The following DNM3 variants were observed in gnomAD, a reference collection of about 807,000 sequenced individuals.
The protein encoded by DNM3 is dynamin-3.
Under a neutral mutation model 101.6 loss-of-function variants are expected in DNM3, and 47 were observed. The observed-to-expected ratio is 0.46, with a 90% CI of 0.37 to 0.59. The LOEUF (loss-of-function observed/expected upper bound fraction) is 0.59, where lower values mean the gene tolerates loss of function less well. Among genes scored for constraint, DNM3 ranks in the 20% least tolerant of loss-of-function variants. DNM3 has a pLI of 0.00. For synonymous variants in DNM3, 385 were observed against 387.9 expected (o/e 0.99, Z 0.09); for missense variants, 849 against 1,085.7 (o/e 0.78, Z 3.06).
At chr1:172,192,929 C>G (rs1231676261) in intron 14 of DNM3, among the ~76,000 whole-genome samples, 1 of 151,182 alleles carries the variant, frequency 6.6e-6, no homozygotes, top group Non-Finnish European at 1.5e-5. Flanking sequence ...ATTTCTAGTT[C>G]TAGATCCCTG....
At chr1:171,844,290 C>T (rs961636897) in intron 1 of DNM3, among the ~76,000 whole-genome samples, 8 of 152,154 alleles carry the variant, frequency 5.3e-5, no homozygotes, top group Admixed American at 1.3e-4. Context: ...TGCAACTTTC[C>T]TCTTTTACAC....
chr1:172,147,343 C>G (rs1572720134), intron 14 of DNM3, among the ~76,000 whole-genome samples: 2 of 152,246 alleles, frequency 1.3e-5, no homozygotes, highest in Non-Finnish European at 2.9e-5. Context: ...AAAGTTATCA[C>G]TTGAATACCC....
rs76968244 is a variant in DNM3, at chr1:172,073,443, G to A, written c.1422+4538G>A. On this transcript the variant is annotated intron_variant, in intron 11 of 20. Transcript: ENST00000627582. The stretch of plus-strand genomic sequence containing the variant: ...TATTTTATAGAATACATAATTTTAC[G>A]TATACATAATTTTATACATATACAT... Among the ~76,000 whole-genome samples the A allele has an allele frequency of 8.4e-3, 1,272 of 151,866 alleles. 13 individuals carry two copies. Among genetic ancestry groups the A allele is most frequent in the African/African-American group, 0.028 (1,151 of 41,394 alleles).
chr1:172,156,085 G>A (rs1206185665), intron 14 of DNM3, among the ~76,000 whole-genome samples: 2 of 152,062 alleles, frequency 1.3e-5, no homozygotes, highest in Admixed American at 6.6e-5. Flanking sequence ...GATGTTGGAG[G>A]ACTATATGGA....
intron 14 of DNM3, among the ~76,000 whole-genome samples, chr1:172,181,800 A>G (rs908288562): frequency 2.8e-5 from 4 of 143,038 alleles, no homozygotes; most frequent in Admixed American, 7.1e-5. Context: ...GTCTGAAGAC[A>G]GGGTTTTTTT....
At chr1:172,233,289 G>T (rs1004476775) in intron 14 of DNM3, among the ~76,000 whole-genome samples, 6 of 152,176 alleles carry the variant, frequency 3.9e-5, no homozygotes, top group African/African-American at 1.4e-4. Flanking sequence ...AGAAAATCTA[G>T]AAGAAATGGA....
intron 4 of DNM3, among the ~76,000 whole-genome samples, chr1:172,010,785 T>C (rs1239245566): frequency 1.3e-5 from 2 of 151,324 alleles, no homozygotes; most frequent in Non-Finnish European, 3.0e-5. Flanking sequence ...TATTTTTTCT[T>C]TTCATTCCTT....
chr1:172,417,424 G>A (rs964899641), downstream of DNM3, among the ~76,000 whole-genome samples: 2 of 152,206 alleles, frequency 1.3e-5, no homozygotes, highest in Non-Finnish European at 2.9e-5. Flanking sequence ...AAAGGCTGAT[G>A]TCAAATGAAG....
intron 14 of DNM3, among the ~76,000 whole-genome samples, chr1:172,193,796 C>G (rs2059834655): frequency 6.6e-6 from 1 of 152,040 alleles, no homozygotes; most frequent in South Asian, 2.1e-4. Context: ...TTTTGTTAAT[C>G]TTTTCAAAAA....
chr1:172,119,951 A>G (rs1204081042), intron 13 of DNM3, among the ~76,000 whole-genome samples: 2 of 152,206 alleles, frequency 1.3e-5, no homozygotes, highest in Non-Finnish European at 2.9e-5. Context: ...GTTCATTTCT[A>G]AAACTTTGGT....
intron 17 of DNM3, among the ~76,000 whole-genome samples, chr1:172,368,417 C>A (rs750457942): frequency 4.6e-5 from 7 of 151,802 alleles, no homozygotes; most frequent in Non-Finnish European, 1.0e-4. Context: ...TAAAAAATTT[C>A]TTGAAACAAA....
intron 13 of DNM3, among the ~76,000 whole-genome samples, chr1:172,096,915 G>C (rs1483440053): frequency 1.3e-5 from 2 of 152,160 alleles, no homozygotes; most frequent in East Asian, 1.9e-4. Flanking sequence ...ATTCAGGTGA[G>C]AGAAACATTG....
chr1:172,318,433 GA>G (rs1406740260), intron 16 of DNM3, among the ~76,000 whole-genome samples: 11 of 152,204 alleles, frequency 7.2e-5, no homozygotes, highest in African/African-American at 2.7e-4. Context: ...ATTAGGAAAA[GA>G]GGAAGCCAAA....
intron 15 of DNM3, among the ~76,000 whole-genome samples, chr1:172,298,783 A>T (rs1261660216): frequency 1.3e-5 from 2 of 152,044 alleles, no homozygotes; most frequent in African/African-American, 4.8e-5. Context: ...GAAGGTAGAC[A>T]TTAATGAAAA....
intron 14 of DNM3, among the ~76,000 whole-genome samples, chr1:172,180,994 C>A (rs1048549731): frequency 1.3e-5 from 2 of 152,012 alleles, no homozygotes; most frequent in African/African-American, 4.8e-5. Flanking sequence ...AAGTACGGAG[C>A]ACTTACCAAG....
At chr1:172,295,464 G>A (rs151301021) in intron 15 of DNM3, among the ~76,000 whole-genome samples, 3 of 152,072 alleles carry the variant, frequency 2.0e-5, no homozygotes, top group African/African-American at 7.2e-5. Flanking sequence ...ATGTCATGAA[G>A]AAAGCAGCAG....
intron 4 of DNM3, among the ~76,000 whole-genome samples, chr1:171,993,453 G>A (rs1051816520): frequency 6.7e-6 from 1 of 148,572 alleles, no homozygotes; most frequent in African/African-American, 2.5e-5. Flanking sequence ...TCTCATTGAG[G>A]ATCCTTTGAA....
chr1:172,210,864 C>G (rs1053088589), intron 14 of DNM3, among the ~76,000 whole-genome samples: 1 of 151,906 alleles, frequency 6.6e-6, no homozygotes, highest in Non-Finnish European at 1.5e-5. Context: ...TCATTCCTAG[C>G]GATAGCAAAA....
intron 13 of DNM3, among the ~76,000 whole-genome samples, chr1:172,108,347 G>A (rs1159040097): frequency 6.6e-6 from 1 of 151,706 alleles, no homozygotes; most frequent in East Asian, 1.9e-4. Flanking sequence ...TAGCTTCTGT[G>A]GAACCATTTT....
Sources: allele counts gnomAD v4.1 joint callset (sites outside exome capture counted in the v4.1 genomes callset), GRCh38; gene constraint gnomAD v4.1.1; transcripts MANE v1.5; gene names NCBI Gene and HGNC (gene_info 2026-07-23, HGNC 2026-07-21).